DCLK1: variants seen among roughly 807,000 people sequenced by gnomAD.
The protein encoded by DCLK1 is doublecortin like kinase 1.
A neutral mutation model predicts 86.2 loss-of-function variants in DCLK1; 16 were observed. The observed-to-expected ratio is 0.19, with a 90% CI of 0.13 to 0.28. The LOEUF (loss-of-function observed/expected upper bound fraction) is 0.28, where lower values mean the gene tolerates loss of function less well. Ranked by LOEUF, DCLK1 falls within the 10% of genes least tolerant of loss-of-function variation. The pLI is 1.00. For synonymous variants in DCLK1, 369 were observed against 370.5 expected, an observed-to-expected ratio of 1.00 and a Z score of 0.05; for missense variants, 590 against 940.2, an observed-to-expected ratio of 0.63 and a Z score of 4.87.
At chr13:35,860,317 G>GA (rs1219478288) in intron 5 of DCLK1, among the ~76,000 whole-genome samples, 2 of 151,544 alleles carry the variant, frequency 1.3e-5, no homozygotes, top group African/African-American at 4.9e-5. Context: ...AAATGCAGGG[G>GA]GTGGGGGGTG....
Position 36,014,538 on chromosome 13 carries a change from A to C in DCLK1, c.724-67081T>G, listed in dbSNP as rs190595527. On this transcript the variant is annotated intron_variant, in intron 3 of 16. Coordinates refer to ENST00000360631, the MANE Select transcript of DCLK1 (RefSeq NM_001330071.2). ...ATGACTAACTAATCTAATACAGATGAAAGCCCAATCCTGATGAACTGTTTC... is the reference window on the plus strand; with the variant it reads ...ATGACTAACTAATCTAATACAGATGCAAGCCCAATCCTGATGAACTGTTTC... 6.6e-5 allele frequency among the ~76,000 whole-genome samples: 10 copies of C among 152,318 alleles called. No homozygotes were observed. In the East Asian group the frequency reaches 1.9e-3, roughly 29 times the overall value.
Position 35,854,486 on chromosome 13 carries a change from C to A in DCLK1, c.1035+13G>T. On this transcript the variant is annotated intron_variant, in intron 6 of 16. Coordinates refer to ENST00000360631, the MANE Select transcript of DCLK1 (RefSeq NM_001330071.2). ...AGACAGGTCTGAAACAAGCAGCTTG[C>A]TTATTTCCTTACCCTCTGCTTCCGC... The A allele has an allele frequency of 1.3e-6, 2 of 1,586,238 alleles. No individual in the cohort carries two copies. The highest frequency in any genetic ancestry group is 1.7e-6 in the Non-Finnish European group (2 of 1,166,026).
At chr13:36,001,594 A>C (rs1880726189) in intron 3 of DCLK1, among the ~76,000 whole-genome samples, 2 of 152,090 alleles carry the variant, frequency 1.3e-5, no homozygotes, top group East Asian at 1.9e-4. Flanking sequence ...AAGACATCTC[A>C]TTGACTTTGT....
At chr13:36,015,792 A>G (rs551111071) in intron 3 of DCLK1, among the ~76,000 whole-genome samples, 1 of 152,236 alleles carries the variant, frequency 6.6e-6, no homozygotes, top group South Asian at 2.1e-4. Flanking sequence ...TTTTAATCCA[A>G]TTGCCTTCTC....
At chr13:35,847,030 A>G in intron 6 of DCLK1, 3 of 985,144 alleles carry the variant, frequency 3.0e-6, no homozygotes, top group Non-Finnish European at 3.6e-6. Flanking sequence ...TCAATGTTTC[A>G]TTTTTTTAGA....
At chr13:35,779,007 A>AATTT (rs937421158) in intron 16 of DCLK1, among the ~76,000 whole-genome samples, 6 of 151,366 alleles carry the variant, frequency 4.0e-5, no homozygotes, top group African/African-American at 1.5e-4. Context: ...TGCCCACTCA[A>AATTT]ATTTATTTAT....
intron 4 of DCLK1, among the ~76,000 whole-genome samples, chr13:35,893,031 A>C (rs1303515587): frequency 6.6e-6 from 1 of 152,194 alleles, no homozygotes; most frequent in Non-Finnish European, 1.5e-5. Flanking sequence ...TGTTTTTTAC[A>C]CTTTGGCACC....
chr13:35,938,110 T>C (rs969954369), intron 4 of DCLK1, among the ~76,000 whole-genome samples: 1 of 152,018 alleles, frequency 6.6e-6, no homozygotes, highest in Non-Finnish European at 1.5e-5. Context: ...TTTTGGAAAG[T>C]TGAGGAAAAC....
chr13:35,897,343 T>C (rs1396461081), intron 4 of DCLK1, among the ~76,000 whole-genome samples: 3 of 152,216 alleles, frequency 2.0e-5, no homozygotes, highest in African/African-American at 7.2e-5. Flanking sequence ...GGGCCTGTGC[T>C]GTGCTAGGGA....
chr13:36,045,340 A>ATG (rs765084884), intron 3 of DCLK1, among the ~76,000 whole-genome samples: 3 of 96,990 alleles, frequency 3.1e-5, no homozygotes, highest in African/African-American at 4.9e-5. Context: ...GTGTATATAT[A>ATG]TATATATATA....
At chr13:35,857,473 A>G (rs1249024782) in intron 5 of DCLK1, among the ~76,000 whole-genome samples, 1 of 152,144 alleles carries the variant, frequency 6.6e-6, no homozygotes, top group Non-Finnish European at 1.5e-5. Context: ...GCAATAATCA[A>G]CACTGCCTCA....
At chr13:35,887,370 A>G (rs1593700573) in intron 4 of DCLK1, among the ~76,000 whole-genome samples, 1 of 152,140 alleles carries the variant, frequency 6.6e-6, no homozygotes. Context: ...ACAAGGTGGA[A>G]CCCCTTAAAG....
At chr13:35,886,201 C>T (rs1199340095) in intron 4 of DCLK1, among the ~76,000 whole-genome samples, 6 of 151,784 alleles carry the variant, frequency 4.0e-5, no homozygotes, top group Non-Finnish European at 5.9e-5. Context: ...TTAGTAGAGA[C>T]GGGGTTTCAC....
At chr13:35,849,390 G>T (rs1870443344) in intron 6 of DCLK1, 2 of 984,764 alleles carry the variant, frequency 2.0e-6, no homozygotes, top group African/African-American at 3.5e-5. Context: ...GCCTCCAAAT[G>T]GCATCAAACA....
At chr13:35,775,447 G>A (rs1440831755) in intron 16 of DCLK1, among the ~76,000 whole-genome samples, 1 of 152,090 alleles carries the variant, frequency 6.6e-6, no homozygotes, top group African/African-American at 2.4e-5. Flanking sequence ...ATTTCCTGAG[G>A]AGACCTCCGA....
At chr13:35,847,422 T>C (rs1018435016) in intron 6 of DCLK1, 2 of 984,964 alleles carry the variant, frequency 2.0e-6, no homozygotes, top group African/African-American at 1.7e-5. Flanking sequence ...ACACAGATAC[T>C]TACAGAAGCA....
rs560755506 is a variant in DCLK1 at position 35,982,413 on chromosome 13, A to G, written c.724-34956T>C. On this transcript the variant is annotated intron_variant, in intron 3 of 16. Transcript: ENST00000360631. ...AGAAAAGAAAAGAAAAGAAAGGGAG[A>G]GAGAGAGAGAGAGAGAGAGGGGGAG... Among the ~76,000 whole-genome samples, 23 of 37,144 alleles carry G rather than the reference A, an allele frequency of 6.2e-4. No homozygotes were observed. The East Asian group carries it at 0.018, about 29-fold the overall frequency. 24.4% of individuals were successfully genotyped at this position (37,144 alleles called of 152,430 possible).
In DCLK1 at chr13:35,842,751, A is replaced by G. The variant is rs182535827; in HGVS notation, c.1036-3575T>C. 1.5e-3 allele frequency among the ~76,000 whole-genome samples: 221 copies of G among 152,218 alleles called. 1 individual carries two copies. Among genetic ancestry groups the G allele is most frequent in the African/African-American group, 5.0e-3 (207 of 41,532 alleles). On this transcript the variant is annotated intron_variant, in intron 6 of 16. Transcript: ENST00000360631. ...TCCTGGGCCAAGTCCAGGACTTCAC[A>G]CTTCCTCACGTTAAATGTCATCTTT...
At chr13:35,813,039 C>T (rs184540309) in intron 11 of DCLK1, among the ~76,000 whole-genome samples, 211 of 152,326 alleles carry the variant, frequency 1.4e-3, no homozygotes, top group African/African-American at 4.4e-3. Flanking sequence ...CCACGTCAGC[C>T]ATTCTGGTCA....
Sources: gnomAD v4.1 joint callset for allele counts (sites outside exome capture counted in the v4.1 genomes callset) on GRCh38, gnomAD v4.1.1 for gene constraint, MANE v1.5 for transcripts, NCBI Gene and HGNC (gene_info 2026-07-23, HGNC 2026-07-21) for gene names.